The following ALDH3B1 variants were observed in gnomAD, a reference collection of about 807,000 sequenced individuals.
ALDH3B1 encodes the protein aldehyde dehydrogenase family 3 member B1.
A neutral mutation model predicts 46.2 loss-of-function variants in ALDH3B1; 37 were observed. The observed-to-expected ratio is 0.80, with a 90% CI of 0.62 to 1.05. ALDH3B1 has a LOEUF of 1.05. Among genes scored for constraint, ALDH3B1 ranks in the 50% least tolerant of loss-of-function variants. ALDH3B1 has a pLI of 0.00. For synonymous variants in ALDH3B1, 283 were observed against 281.0 expected, an observed-to-expected ratio of 1.01 and a Z score of -0.07; for missense variants, 603 against 665.5, an observed-to-expected ratio of 0.91 and a Z score of 1.03.
chr11:68,022,305 C>A (rs551923460), intron 7 of ALDH3B1, among the ~76,000 whole-genome samples: 1 of 152,214 alleles, frequency 6.6e-6, no homozygotes, highest in Non-Finnish European at 1.5e-5. Context: ...GCTGTTGCCT[C>A]ATGAACTCCA....
At chr11:68,012,337 G>T (rs192270905) in intron 1 of ALDH3B1, among the ~76,000 whole-genome samples, 3 of 152,208 alleles carry the variant, frequency 2.0e-5, no homozygotes. Context: ...ATGGGCACCT[G>T]AGTATTGTTT....
intron 9 of ALDH3B1, 67 bp from the exon 10 acceptor site, chr11:68,027,682 A>T: frequency 6.7e-7 from 1 of 1,486,628 alleles, no homozygotes; most frequent in South Asian, 1.3e-5. Context: ...TAGCCCGCCT[A>T]GGCCCCACTG....
intron 8 of ALDH3B1, among the ~76,000 whole-genome samples, chr11:68,023,849 G>A (rs1857562152): frequency 6.6e-6 from 1 of 151,746 alleles, no homozygotes; most frequent in Non-Finnish European, 1.5e-5. Context: ...TGAGACCAGC[G>A]CTGGCAATAT....
intron 8 of ALDH3B1, among the ~76,000 whole-genome samples, chr11:68,023,668 C>A (rs1010253587): frequency 6.6e-6 from 1 of 151,980 alleles, no homozygotes; most frequent in Non-Finnish European, 1.5e-5. Flanking sequence ...GAAAAGTTGC[C>A]AAAATGGTAC....
rs1427269457 is a variant in ALDH3B1, at chr11:68,018,568, G to C, written c.204G>C (p.Gln68His). The C allele has an allele frequency of 1.3e-6, 2 of 1,583,512 alleles. No homozygotes were observed. The highest frequency in any genetic ancestry group is 1.3e-5 in the African/African-American group (1 of 74,188). The change falls in exon 3 of 10, where the codon CAG (glutamine) becomes CAC (histidine). Residue 68 changes from glutamine (Q) to histidine (H), a missense_variant. Transcript: ENST00000342456. ...AGGTGTCTGAGGTTGCCATCAGCCAGGGCGAGGTCACCCTGGCCCTCAGGA... is the reference window on the plus strand; with the variant it reads ...AGGTGTCTGAGGTTGCCATCAGCCACGGCGAGGTCACCCTGGCCCTCAGGA... ...ESEVSEVAIS[Q>H]GEVTLALRNL...
chr11:68,023,017 C>T (rs1590781260), intron 8 of ALDH3B1, among the ~76,000 whole-genome samples: 1 of 152,222 alleles, frequency 6.6e-6, no homozygotes, highest in African/African-American at 2.4e-5. Flanking sequence ...CCAGTGTTTC[C>T]TCTAGGTCAG....
Position 68,015,478 on chromosome 11 carries a change from T to C in ALDH3B1, c.162+19T>C, listed in dbSNP as rs535517326. On this transcript the variant is annotated intron_variant, in intron 2 of 9. Transcript: ENST00000342456. ...GCACAAGGTGGGCTGGGGTTGGGGGTATGAGAGGGTGCACTGGGGCAGGGG... is the reference window on the plus strand; with the variant it reads ...GCACAAGGTGGGCTGGGGTTGGGGGCATGAGAGGGTGCACTGGGGCAGGGG... 2,275 of 1,564,654 alleles carry C rather than the reference T, an allele frequency of 1.5e-3. 29 individuals carry two copies. The African/African-American group carries it at 0.026, about 18-fold the overall frequency.
chr11:68,028,064 AG>A lies in ALDH3B1; in HGVS notation c.*126del, dbSNP rs752663585. The stretch of plus-strand genomic sequence containing the variant: ...GCCAAGGCTCCAGGGCACCCCTCAA[AG>A]CAGCGCCTGCCTCCTCCCTCCTGGG... On this transcript the variant is annotated 3_prime_UTR_variant, in exon 10 of 10. Transcript: ENST00000342456. The A allele has an allele frequency of 8.0e-7, 1 of 1,256,982 alleles. No individual in the cohort carries two copies. The highest frequency in any genetic ancestry group is 1.1e-6 in the Non-Finnish European group (1 of 869,856). 77.9% of individuals were successfully genotyped at this position (1,256,982 alleles called of 1,614,324 possible). A position where few individuals can be genotyped will look rare whatever the true frequency, so the allele number is the denominator to read the frequency against.
Position 68,019,734 on chromosome 11 carries a change from T to C in ALDH3B1, c.500T>C (p.Leu167Pro), listed in dbSNP as rs1306055144. The stretch of plus-strand genomic sequence containing the variant: ...TTGCAGAGCTGCTTTGCTGTGGTGC[T>C]GGGCGGGCCCCAGGAGACGGGGCAG... ...YVDQSCFAVV[L>P]GGPQETGQLL... The change falls in exon 6 of 10, where the codon CTG (leucine) becomes CCG (proline). Residue 167 changes from leucine (L) to proline (P), a missense_variant. Transcript: ENST00000342456. 1 of 1,614,086 alleles carries C rather than the reference T, an allele frequency of 6.2e-7. No homozygotes were observed. The highest frequency in any genetic ancestry group is 8.5e-7 in the Non-Finnish European group (1 of 1,179,936).
chr11:68,028,456 C>T lies in ALDH3B1; in HGVS notation c.*517C>T, dbSNP rs979954681. ...CTTTGGGAGGCCGAGGCAGGCGGATCACCTGAAATCAGGAGTTCAAGATCA... is the reference window on the plus strand; with the variant it reads ...CTTTGGGAGGCCGAGGCAGGCGGATTACCTGAAATCAGGAGTTCAAGATCA... On this transcript the variant is annotated 3_prime_UTR_variant, in exon 10 of 10. Transcript: ENST00000342456. The T allele has an allele frequency of 4.1e-6, 1 of 244,302 alleles. No homozygotes were observed. Among genetic ancestry groups the T allele is most frequent in the Admixed American group, 4.8e-5 (1 of 20,792 alleles). The allele number at this position is 244,302 out of a possible 1,614,324, so 15.1% of individuals were successfully genotyped here.
chr11:68,015,956 C>T (rs1054891574), intron 2 of ALDH3B1: 2 of 274,666 alleles, frequency 7.3e-6, no homozygotes, highest in African/African-American at 2.3e-5. Context: ...ATCCCAGCTA[C>T]TCAGGAGGCT....
chr11:68,026,905 G>A (rs1340116909), intron 9 of ALDH3B1, among the ~76,000 whole-genome samples: 1 of 151,936 alleles, frequency 6.6e-6, no homozygotes, highest in Non-Finnish European at 1.5e-5. Flanking sequence ...GGCTGCCCCC[G>A]ACCCCACCTA....
chr11:68,026,069 A>G lies in ALDH3B1; in HGVS notation c.1177A>G (p.Met393Val), dbSNP rs146327359. 6.8e-6 allele frequency: 11 copies of G among 1,609,138 alleles called. No individual in the cohort carries two copies. Among genetic ancestry groups the G allele is most frequent in the Non-Finnish European group, 8.5e-6 (10 of 1,177,824 alleles). Residue 393 changes from methionine to valine, a missense_variant, in exon 9 of 10, where the codon ATG becomes GTG. Physicochemically the swap from Met to Val is conservative, Grantham distance 21 (BLOSUM62 1). Transcript: ENST00000342456. Reference sequence around the variant, plus strand: ...GGGCTTCTGTGGGAACGACGGCTTCATGCACATGACCCTGGCCAGCCTGCC... The same window carrying G: ...GGGCTTCTGTGGGAACGACGGCTTCGTGCACATGACCCTGGCCAGCCTGCC... ...SGGFCGNDGFMHMTLASLPFG... is the reference protein window; with the variant it reads ...SGGFCGNDGFVHMTLASLPFG...
At chr11:68,026,354 C>A (rs1027884991) in intron 9 of ALDH3B1, among the ~76,000 whole-genome samples, 1 of 152,152 alleles carries the variant, frequency 6.6e-6, no homozygotes, top group Non-Finnish European at 1.5e-5. Context: ...TCTGCACAGA[C>A]ACACAATTTA....
chr11:68,009,954 ATAT>A (rs1307164614), upstream of ALDH3B1, among the ~76,000 whole-genome samples: 17 of 152,208 alleles, frequency 1.1e-4, no homozygotes, highest in African/African-American at 3.9e-4. Flanking sequence ...ATTCCACATA[ATAT>A]TATAATAGAA....
chr11:68,015,890 AC>A (rs1216841584), intron 2 of ALDH3B1: 1 of 330,520 alleles, frequency 3.0e-6, no homozygotes, highest in Non-Finnish European at 6.0e-6. Flanking sequence ...ACATGGCGAA[AC>A]CCCGTCTCTA....
At position 68,027,918 on chromosome 11, in the gene ALDH3B1, C is replaced by A; in HGVS notation, c.1386C>A (p.Gly462=). Residue 462 remains glycine, a synonymous_variant, in exon 10 of 10, where the codon GGC becomes GGA. Transcript: ENST00000342456. ...RMLLVAMEAQ[G]CSCTLL Reference sequence around the variant, plus strand: ...TGCTGGTGGCCATGGAGGCCCAAGGCTGCAGCTGCACACTGCTCTGAGCCC... The same window carrying A: ...TGCTGGTGGCCATGGAGGCCCAAGGATGCAGCTGCACACTGCTCTGAGCCC... 1 of 1,556,848 alleles carries A rather than the reference C, an allele frequency of 6.4e-7. No homozygotes were observed. The highest frequency in any genetic ancestry group is 8.7e-7 in the Non-Finnish European group (1 of 1,155,912).
At chr11:68,023,904 G>T (rs559231176) in intron 8 of ALDH3B1, among the ~76,000 whole-genome samples, 2 of 151,354 alleles carry the variant, frequency 1.3e-5, no homozygotes, top group African/African-American at 4.9e-5. Context: ...GATTAGTTGC[G>T]CATAGTGGCG....
chr11:68,020,361 G>C (rs1857461031), intron 6 of ALDH3B1, among the ~76,000 whole-genome samples: 1 of 152,138 alleles, frequency 6.6e-6, no homozygotes, highest in Non-Finnish European at 1.5e-5. Context: ...AGCTTCCCAA[G>C]TAGCTGGGGT....
Sources: gnomAD v4.1 joint callset for allele counts (sites outside exome capture counted in the v4.1 genomes callset) on GRCh38, gnomAD v4.1.1 for gene constraint, MANE v1.5 for transcripts, NCBI Gene and HGNC (gene_info 2026-07-23, HGNC 2026-07-21) for gene names.